The following ASTN1 variants were observed in gnomAD, a reference collection of about 807,000 sequenced individuals.
The protein encoded by ASTN1 is astrotactin-1.
In ASTN1, 41 loss-of-function variants were observed where a neutral mutation model predicts 140.7. The observed-to-expected ratio is 0.29, with a 90% CI of 0.23 to 0.38. The LOEUF is 0.38. Ranked by LOEUF, ASTN1 falls within the 10% of genes least tolerant of loss-of-function variation. The pLI, the probability that ASTN1 is intolerant of heterozygous loss-of-function variation, is 1.00. For missense variants in ASTN1, 1,479 were observed against 1,678.8 expected (o/e 0.88, Z 2.08); for synonymous variants, 640 against 652.2 (o/e 0.98, Z 0.29).
chr1:177,073,743 C>A (rs116071341), intron 1 of ASTN1, among the ~76,000 whole-genome samples: 1 of 150,940 alleles, frequency 6.6e-6, no homozygotes, highest in South Asian at 2.1e-4. Context: ...ATCAGGAAAC[C>A]GAAATCTGAG....
intron 2 of ASTN1, among the ~76,000 whole-genome samples, chr1:177,038,208 C>T (rs1242434769): frequency 3.3e-5 from 5 of 152,214 alleles, no homozygotes; most frequent in Admixed American, 6.5e-5. Context: ...AAAGTCAGTT[C>T]AGTGACACGA....
chr1:177,110,046 C>A (rs544837566), intron 1 of ASTN1, among the ~76,000 whole-genome samples: 1 of 152,294 alleles, frequency 6.6e-6, no homozygotes, highest in African/African-American at 2.4e-5. Flanking sequence ...TTTCTCCATC[C>A]TTTCCCTACC....
intron 16 of ASTN1, among the ~76,000 whole-genome samples, chr1:176,927,452 G>C (rs1336439571): frequency 6.6e-6 from 1 of 152,054 alleles, no homozygotes; most frequent in Non-Finnish European, 1.5e-5. Context: ...GAAGTATAAA[G>C]AAAAGAAAAA....
At chr1:176,952,875 A>G (rs545213823) in intron 11 of ASTN1, among the ~76,000 whole-genome samples, 1 of 152,312 alleles carries the variant, frequency 6.6e-6, no homozygotes, top group African/African-American at 2.4e-5. Context: ...GTCATATATT[A>G]ACCCTTCTTT....
chr1:177,148,055 C>G (rs1048341274), intron 1 of ASTN1, among the ~76,000 whole-genome samples: 5 of 152,158 alleles, frequency 3.3e-5, no homozygotes, highest in Admixed American at 1.3e-4. Flanking sequence ...TGGACCACAC[C>G]TTCATTGACC....
At chr1:176,925,971 A>C (rs1458329396) in intron 16 of ASTN1, among the ~76,000 whole-genome samples, 1 of 151,820 alleles carries the variant, frequency 6.6e-6, no homozygotes, top group African/African-American at 2.4e-5. Context: ...ACGCCCAGCT[A>C]ATTTTTTTGT....
chr1:177,106,101 C>T (rs1307727878), intron 1 of ASTN1, among the ~76,000 whole-genome samples: 2 of 152,136 alleles, frequency 1.3e-5, no homozygotes, highest in Non-Finnish European at 2.9e-5. Flanking sequence ...TTTGAGTCAG[C>T]CAATCTCATT....
At chr1:176,892,531 G>A (rs930682060) in intron 17 of ASTN1, among the ~76,000 whole-genome samples, 1 of 152,214 alleles carries the variant, frequency 6.6e-6, no homozygotes, top group African/African-American at 2.4e-5. Context: ...ACAAGTATGA[G>A]TTTGTGCTGG....
At chr1:177,035,760 A>C (rs1179176856) in intron 2 of ASTN1, among the ~76,000 whole-genome samples, 1 of 152,210 alleles carries the variant, frequency 6.6e-6, no homozygotes, top group Admixed American at 6.5e-5. Context: ...AGAACTAGAC[A>C]GTGCAGAACT....
intron 1 of ASTN1, among the ~76,000 whole-genome samples, chr1:177,160,976 A>G (rs1647327768): frequency 6.6e-6 from 1 of 152,212 alleles, no homozygotes; most frequent in Non-Finnish European, 1.5e-5. Flanking sequence ...AAAAACATTC[A>G]TATTCAAAGC....
At chr1:177,124,941 A>G (rs1376183708) in intron 1 of ASTN1, among the ~76,000 whole-genome samples, 6 of 152,238 alleles carry the variant, frequency 3.9e-5, no homozygotes, top group Non-Finnish European at 1.5e-5. Context: ...ACGCCAACCC[A>G]TCACTTGGCA....
At chr1:177,008,638 G>T (rs531427023) in intron 8 of ASTN1, among the ~76,000 whole-genome samples, 2 of 151,494 alleles carry the variant, frequency 1.3e-5, no homozygotes, top group African/African-American at 4.8e-5. Context: ...GAAGGAGGAG[G>T]AGGAAGAGGA....
At chr1:176,892,777 T>C (rs182523983) in intron 17 of ASTN1, among the ~76,000 whole-genome samples, 243 of 152,312 alleles carry the variant, frequency 1.6e-3, no homozygotes, top group African/African-American at 5.6e-3. Context: ...GATTTGGCAC[T>C]CCTCTACTCT....
chr1:176,979,706 C>CA (rs200153312), intron 8 of ASTN1, among the ~76,000 whole-genome samples: 1 of 151,756 alleles, frequency 6.6e-6, no homozygotes, highest in Non-Finnish European at 1.5e-5. Flanking sequence ...CAAAACAAAA[C>CA]AAAAAAACAA....
At chr1:176,998,117 G>T (rs1054358297) in intron 8 of ASTN1, among the ~76,000 whole-genome samples, 2 of 152,092 alleles carry the variant, frequency 1.3e-5, no homozygotes, top group Non-Finnish European at 2.9e-5. Flanking sequence ...TGAAAGCCAG[G>T]ATTTGGAGCC....
chr1:177,004,294 C>A (rs569157798), intron 8 of ASTN1, among the ~76,000 whole-genome samples: 4 of 151,896 alleles, frequency 2.6e-5, no homozygotes, highest in South Asian at 2.1e-4. Flanking sequence ...GAGAACTCTA[C>A]AAAACACTGC....
intron 22 of ASTN1, among the ~76,000 whole-genome samples, chr1:176,868,194 A>G (rs889851185): frequency 6.6e-5 from 10 of 152,300 alleles, no homozygotes; most frequent in Admixed American, 2.6e-4. Context: ...TACAGTTATG[A>G]TTAACAGAAC....
intron 1 of ASTN1, among the ~76,000 whole-genome samples, chr1:177,125,872 T>C (rs1681618220): frequency 1.3e-5 from 2 of 152,340 alleles, no homozygotes; most frequent in East Asian, 3.9e-4. Context: ...ATATTCTATG[T>C]GTTTACCACC....
In ASTN1 at chr1:176,862,958, A is replaced by C; in HGVS notation, c.*1326T>G. The C allele has an allele frequency of 1.0e-6, 1 of 985,490 alleles. No individual in the cohort carries two copies. The highest frequency in any genetic ancestry group is 1.2e-6 in the Non-Finnish European group (1 of 829,956). The allele number at this position is 985,490 out of a possible 1,614,324, so 61.0% of individuals were successfully genotyped here. ...GCATGGTGGCTGAAGGTGTGTGTTCAGGCCACTGAGTTGTGTGGGACAGCT... is the reference window on the plus strand; with the variant it reads ...GCATGGTGGCTGAAGGTGTGTGTTCCGGCCACTGAGTTGTGTGGGACAGCT... On this transcript the variant is annotated 3_prime_UTR_variant, in exon 23 of 23. Transcript: ENST00000361833.
Sources: gnomAD v4.1 joint callset for allele counts (sites outside exome capture counted in the v4.1 genomes callset) on GRCh38, gnomAD v4.1.1 for gene constraint, MANE v1.5 for transcripts, NCBI Gene and HGNC (gene_info 2026-07-23, HGNC 2026-07-21) for gene names.